Variants in SUPT3H observed in about 807,000 individuals in gnomAD.
The protein encoded by SUPT3H is SPT3 homolog, SAGA and STAGA complex component, also known as transcription initiation protein SPT3 homolog.
In SUPT3H, 44 loss-of-function variants were observed where a neutral mutation model predicts 44.3. The observed-to-expected ratio is 0.99, with a 90% CI of 0.78 to 1.28. The LOEUF (loss-of-function observed/expected upper bound fraction) is 1.28, where lower values mean the gene tolerates loss of function less well. Ranked by LOEUF, SUPT3H falls within the 50% of genes most tolerant of loss-of-function variation. The pLI is 0.00. For synonymous variants in SUPT3H, 124 were observed against 125.6 expected (o/e 0.99, Z 0.09); for missense variants, 380 against 387.1 (o/e 0.98, Z 0.15).
At chr6:45,290,096 C>T (rs1330312537) in intron 2 of SUPT3H, among the ~76,000 whole-genome samples, 1 of 152,012 alleles carries the variant, frequency 6.6e-6, no homozygotes, top group Non-Finnish European at 1.5e-5. Flanking sequence ...GGGGCAATCG[C>T]TTAAGTCCAG....
At chr6:45,316,121 C>G (rs1784659073) in intron 2 of SUPT3H, among the ~76,000 whole-genome samples, 1 of 152,056 alleles carries the variant, frequency 6.6e-6, no homozygotes, top group Non-Finnish European at 1.5e-5. Flanking sequence ...GGGAACTAAG[C>G]TATGAGGACA....
At chr6:44,945,699 C>T (rs1228718379) in intron 9 of SUPT3H, among the ~76,000 whole-genome samples, 12 of 152,104 alleles carry the variant, frequency 7.9e-5, no homozygotes, top group Non-Finnish European at 1.0e-4. Flanking sequence ...AAGTTAGAGG[C>T]TACCAGAGAC....
chr6:45,118,553 C>G (rs889190511), intron 2 of SUPT3H, among the ~76,000 whole-genome samples: 2 of 152,108 alleles, frequency 1.3e-5, no homozygotes, highest in Non-Finnish European at 2.9e-5. Context: ...CCTAAAATAT[C>G]AAACTCCCTA....
At chr6:45,328,600 C>CT in intron 2 of SUPT3H, 1 of 1,602,590 alleles carries the variant, frequency 6.2e-7, no homozygotes, top group East Asian at 2.3e-5. Context: ...AATATAAAGT[C>CT]TATGTACTCC....
In SUPT3H at chr6:45,182,972, C is replaced by T. The variant is rs139300810; in HGVS notation, c.102-76966G>A. Among the ~76,000 whole-genome samples the T allele has an allele frequency of 6.9e-3, 1,047 of 152,260 alleles. 8 individuals carry two copies. Among genetic ancestry groups the T allele is most frequent in the Non-Finnish European group, 0.012 (793 of 68,024 alleles). On this transcript the variant is annotated intron_variant, in intron 2 of 10. Coordinates refer to ENST00000371459, the MANE Select transcript of SUPT3H (RefSeq NM_003599.4). Reference sequence around the variant, plus strand: ...TACCATAAAATCCATCAATTCCACTCCTAGTTATATATGCAAAGAACTGCA... The same window carrying T: ...TACCATAAAATCCATCAATTCCACTTCTAGTTATATATGCAAAGAACTGCA...
At chr6:45,318,657 CTAAA>C (rs1785051231) in intron 2 of SUPT3H, among the ~76,000 whole-genome samples, 1 of 149,324 alleles carries the variant, frequency 6.7e-6, no homozygotes, top group African/African-American at 2.4e-5. Flanking sequence ...CAGTAAATAA[CTAAA>C]TAGCAATGCT....
chr6:45,352,584 G>A (rs956674303), intron 2 of SUPT3H, among the ~76,000 whole-genome samples: 1 of 151,964 alleles, frequency 6.6e-6, no homozygotes, highest in African/African-American at 2.4e-5. Context: ...ATTTATCCTA[G>A]GAACAAAGTA....
chr6:45,306,298 G>A (rs1254108475), intron 2 of SUPT3H, among the ~76,000 whole-genome samples: 1 of 152,112 alleles, frequency 6.6e-6, no homozygotes, highest in Non-Finnish European at 1.5e-5. Context: ...AGATCACAAG[G>A]ACCTTAGCAG....
intron 2 of SUPT3H, among the ~76,000 whole-genome samples, chr6:45,360,402 C>T (rs1185332315): frequency 1.3e-5 from 2 of 152,148 alleles, no homozygotes; most frequent in Admixed American, 6.5e-5. Flanking sequence ...ACAGTATGTT[C>T]GTACTTTTTA....
intron 2 of SUPT3H, among the ~76,000 whole-genome samples, chr6:45,160,001 T>C (rs1808673492): frequency 6.6e-6 from 1 of 152,150 alleles, no homozygotes; most frequent in Non-Finnish European, 1.5e-5. Context: ...AAATAATTAA[T>C]TTATGGTACA....
At chr6:44,904,800 T>C (rs1024205414) in intron 10 of SUPT3H, among the ~76,000 whole-genome samples, 4 of 152,158 alleles carry the variant, frequency 2.6e-5, no homozygotes, top group East Asian at 3.9e-4. Context: ...CAAAACAGCA[T>C]GGTACTGGCA....
chr6:44,966,952 C>T (rs2153480318), intron 6 of SUPT3H, among the ~76,000 whole-genome samples: 1 of 152,318 alleles, frequency 6.6e-6, no homozygotes, highest in Admixed American at 6.5e-5. Context: ...ATTAGTCATA[C>T]TCTTGTATCT....
At position 45,142,736 on chromosome 6, in the gene SUPT3H, C is replaced by CAAAAAAAAAA. The variant is rs70993502; in HGVS notation, c.102-36740_102-36731dup. On this transcript the variant is annotated intron_variant, in intron 2 of 10. Transcript: ENST00000371459. ...GGGCAAGAAGAGCTAAACTCCGTCT[C>CAAAAAAAAAA]AAAAAAAAAAAAAAAAAAAAAAAAA... is the stretch of plus-strand genomic sequence containing the variant. 9.5e-3 allele frequency among the ~76,000 whole-genome samples: 142 copies of CAAAAAAAAAA among 14,964 alleles called. 18 individuals carry two copies. Among genetic ancestry groups the CAAAAAAAAAA allele is most frequent in the Non-Finnish European group, 0.012 (103 of 8,866 alleles). 9.8% of individuals were successfully genotyped at this position (14,964 alleles called of 152,430 possible).
chr6:45,353,708 A>C (rs1446444030), intron 2 of SUPT3H, among the ~76,000 whole-genome samples: 2 of 152,120 alleles, frequency 1.3e-5, no homozygotes, highest in Admixed American at 1.3e-4. Flanking sequence ...AATCAAGGGT[A>C]GGACATTCTG....
At chr6:45,039,364 A>G (rs900709757) in intron 3 of SUPT3H, among the ~76,000 whole-genome samples, 2 of 152,216 alleles carry the variant, frequency 1.3e-5, no homozygotes, top group Non-Finnish European at 2.9e-5. Flanking sequence ...GCTTTAAACA[A>G]AAAATCAAAA....
At chr6:45,197,525 A>G in intron 2 of SUPT3H, 1 of 239,912 alleles carries the variant, frequency 4.2e-6, no homozygotes, top group Non-Finnish European at 8.5e-6. Context: ...TATATCCTCT[A>G]TAATACATGC....
chr6:44,990,079 C>T (rs560698874), intron 6 of SUPT3H, among the ~76,000 whole-genome samples: 11 of 152,220 alleles, frequency 7.2e-5, no homozygotes, highest in African/African-American at 2.4e-4. Context: ...CCAAGGCCAA[C>T]GTCAAGGAGC....
intron 2 of SUPT3H, among the ~76,000 whole-genome samples, chr6:45,246,421 T>C (rs1358430941): frequency 1.3e-5 from 2 of 152,300 alleles, no homozygotes; most frequent in East Asian, 3.9e-4. Context: ...TCAGGTCTTT[T>C]ATCAACACAG....
intron 2 of SUPT3H, among the ~76,000 whole-genome samples, chr6:45,126,448 A>T (rs2153581632): frequency 6.6e-6 from 1 of 152,378 alleles, no homozygotes; most frequent in East Asian, 1.9e-4. Context: ...CACATCTGTA[A>T]TGAGAACCAG....
Sources: gnomAD v4.1 joint callset for allele counts (sites outside exome capture counted in the v4.1 genomes callset) on GRCh38, gnomAD v4.1.1 for gene constraint, MANE v1.5 for transcripts, NCBI Gene and HGNC (gene_info 2026-07-23, HGNC 2026-07-21) for gene names.